The following DPH6 variants were observed in gnomAD, a reference collection of about 807,000 sequenced individuals.
DPH6 encodes the protein diphthine--ammonia ligase.
In DPH6, 33 loss-of-function variants were observed where a neutral mutation model predicts 38.2. That is an observed-to-expected ratio of 0.86 (90% CI 0.65 to 1.15). The LOEUF (loss-of-function observed/expected upper bound fraction) is 1.15, where lower values mean the gene tolerates loss of function less well. Ranked by LOEUF, DPH6 falls within the 50% of genes most tolerant of loss-of-function variation. DPH6 has a pLI of 0.00. For missense variants in DPH6, 325 were observed against 320.0 expected, an observed-to-expected ratio of 1.02 and a Z score of -0.12; for synonymous variants, 108 against 103.0, an observed-to-expected ratio of 1.05 and a Z score of -0.30.
chr15:35,445,428 A>G (rs2053839614), intron 5 of DPH6, among the ~76,000 whole-genome samples: 1 of 151,752 alleles, frequency 6.6e-6, no homozygotes, highest in South Asian at 2.1e-4. Context: ...TCTGAATGGT[A>G]AATAGTTGAC....
At chr15:35,237,213 CTGG>C in intron 3 of DPH6, 2 of 897,078 alleles carry the variant, frequency 2.2e-6, no homozygotes, top group Non-Finnish European at 3.6e-6. Context: ...GCCGGGGGTG[CTGG>C]GGGCTCGAGA....
intron 3 of DPH6, among the ~76,000 whole-genome samples, chr15:35,249,021 G>A (rs750632899): frequency 1.3e-5 from 2 of 152,206 alleles, no homozygotes; most frequent in Non-Finnish European, 2.9e-5. Context: ...TGGAGAGATT[G>A]CAGGACTAGA....
intron 3 of DPH6, among the ~76,000 whole-genome samples, chr15:35,303,382 ACATT>A (rs1350829521): frequency 1.3e-5 from 2 of 151,892 alleles, no homozygotes; most frequent in Non-Finnish European, 2.9e-5. Flanking sequence ...TTTATGATTC[ACATT>A]CATTATTTAA....
chr15:35,188,253 C>T, the DPH6 span, among the ~76,000 whole-genome samples: 2 of 152,108 alleles, frequency 1.3e-5, no homozygotes, highest in African/African-American at 2.4e-5. Context: ...CACCTATGCA[C>T]ACTAAGAGGC....
chr15:35,226,068 T>C (rs749996007), intron 3 of DPH6, among the ~76,000 whole-genome samples: 44 of 152,196 alleles, frequency 2.9e-4, no homozygotes, highest in Non-Finnish European at 5.7e-4. Context: ...GCGATGACAA[T>C]GCCTGTGAAT....
At chr15:35,238,160 T>C in intron 3 of DPH6, 3 of 916,616 alleles carry the variant, frequency 3.3e-6, no homozygotes, top group Non-Finnish European at 5.1e-6. Flanking sequence ...AACTTATTTT[T>C]TTTTCTGATT....
At chr15:35,489,444 G>A in intron 3 of DPH6, 1 of 984,460 alleles carries the variant, frequency 1.0e-6, no homozygotes, top group Non-Finnish European at 1.2e-6. Context: ...TGTAGCCCAA[G>A]ACTCAATTAA....
rs112249430 is a variant in DPH6, at chr15:35,476,635, A to G, written c.313-21815T>C. Among the ~76,000 whole-genome samples the G allele has an allele frequency of 2.9e-3, 435 of 151,906 alleles. 2 individuals carry two copies. Among genetic ancestry groups the G allele is most frequent in the African/African-American group, 0.01 (423 of 41,548 alleles). ...GTCAATGTACAGAAGAAAAAAAATT[A>G]CACTGAAACTTCATGATTACAAACT... On this transcript the variant is annotated intron_variant, in intron 3 of 8. Coordinates refer to ENST00000256538, the MANE Select transcript of DPH6 (RefSeq NM_080650.4).
chr15:35,459,047 ACT>A (rs2054031178), intron 3 of DPH6, among the ~76,000 whole-genome samples: 1 of 152,026 alleles, frequency 6.6e-6, no homozygotes, highest in East Asian at 1.9e-4. Context: ...AAAAGAAAAT[ACT>A]CTGTTTATTT....
At chr15:35,319,586 C>T (rs1011908262) in intron 3 of DPH6, among the ~76,000 whole-genome samples, 1 of 151,850 alleles carries the variant, frequency 6.6e-6, no homozygotes, top group Non-Finnish European at 1.5e-5. Context: ...ACTAAAAATA[C>T]AAAAATTAGC....
downstream of DPH6, among the ~76,000 whole-genome samples, chr15:35,329,741 C>T (rs2052312687): frequency 6.6e-6 from 1 of 152,160 alleles, no homozygotes; most frequent in South Asian, 2.1e-4. Flanking sequence ...CTCTCCCCTA[C>T]CTTTTCACAA....
At chr15:35,474,849 G>C (rs932605371) in intron 3 of DPH6, among the ~76,000 whole-genome samples, 1 of 151,840 alleles carries the variant, frequency 6.6e-6, no homozygotes, top group Middle Eastern at 3.2e-3. Flanking sequence ...GAAATAGTTA[G>C]AATACCGTAC....
At chr15:35,242,465 G>C (rs1224780734) in intron 3 of DPH6, among the ~76,000 whole-genome samples, 1 of 143,060 alleles carries the variant, frequency 7.0e-6, no homozygotes, top group African/African-American at 2.5e-5. Context: ...TTTCCTACAA[G>C]GTCTGAGAAG....
At chr15:35,368,725 G>C (rs1393409348), downstream of DPH6, among the ~76,000 whole-genome samples, 2 of 151,838 alleles carry the variant, frequency 1.3e-5, no homozygotes, top group African/African-American at 4.8e-5. Context: ...ACTATGAGGA[G>C]AACAGTTGTG....
At chr15:35,153,609 A>G in the DPH6 span, among the ~76,000 whole-genome samples, 4 of 152,170 alleles carry the variant, frequency 2.6e-5, no homozygotes, top group Non-Finnish European at 4.4e-5. Flanking sequence ...GAACATCATA[A>G]TGAATTTAGT....
intron 3 of DPH6, among the ~76,000 whole-genome samples, chr15:35,308,447 C>A (rs1445305260): frequency 6.6e-6 from 1 of 151,448 alleles, no homozygotes; most frequent in African/African-American, 2.4e-5. Flanking sequence ...CCAAAACAAG[C>A]AAAACAAAAC....
At chr15:35,486,087 A>C (rs2054394259) in intron 3 of DPH6, among the ~76,000 whole-genome samples, 1 of 152,234 alleles carries the variant, frequency 6.6e-6, no homozygotes, top group African/African-American at 2.4e-5. Context: ...ATTGACTCAC[A>C]GTTCCACTTT....
At chr15:35,339,305 C>T (rs1198041791) in intron 3 of DPH6, among the ~76,000 whole-genome samples, 1 of 150,326 alleles carries the variant, frequency 6.7e-6, no homozygotes, top group Non-Finnish European at 1.5e-5. Flanking sequence ...TTCATTTCTG[C>T]CTTAATTTCA....
intron 6 of DPH6, among the ~76,000 whole-genome samples, chr15:35,397,906 C>CACACAT (rs60168598): frequency 0.03 from 4,355 of 147,146 alleles, 98 homozygotes; most frequent in Middle Eastern, 0.058. Context: ...CACACACACA[C>CACACAT]ACACACACAA....
Sources: allele counts gnomAD v4.1 joint callset (sites outside exome capture counted in the v4.1 genomes callset), GRCh38; gene constraint gnomAD v4.1.1; transcripts MANE v1.5; gene names NCBI Gene and HGNC (gene_info 2026-07-23, HGNC 2026-07-21).